Variants in MCCC1 observed in about 807,000 individuals in gnomAD.
MCCC1 encodes the protein methylcrotonoyl-CoA carboxylase subunit alpha, mitochondrial.
Under a neutral mutation model 83.8 loss-of-function variants are expected in MCCC1, and 64 were observed. The ratio of observed to expected loss-of-function variants is 0.76; its 90% CI spans 0.62 to 0.94. The LOEUF (loss-of-function observed/expected upper bound fraction) is 0.94. Among genes scored for constraint, MCCC1 ranks in the 40% least tolerant of loss-of-function variants. The pLI is 0.00. For missense variants in MCCC1, 807 were observed against 904.7 expected, an observed-to-expected ratio of 0.89 and a Z score of 1.39; for synonymous variants, 322 against 315.4, an observed-to-expected ratio of 1.02 and a Z score of -0.22.
chr3:183,022,618 A>C lies in MCCC1; in HGVS notation c.1732-64T>G, dbSNP rs1161062283. 14 of 1,351,976 alleles carry C rather than the reference A, an allele frequency of 1.0e-5. No homozygotes were observed. In the Admixed American group the frequency reaches 2.6e-4, roughly 25 times the overall value. 83.7% of individuals were successfully genotyped at this position (1,351,976 alleles called of 1,614,324 possible). ...ACAACACTACAGAATTAATAAGATC[A>C]GAATCAATTCTTCACTATTGGTAGT... On this transcript the variant is annotated intron_variant, in intron 15 of 18. Transcript: ENST00000265594.
At chr3:183,086,561 T>G (rs1717904352) in intron 4 of MCCC1, 132 bp downstream of exon 4, 2 of 811,224 alleles carry the variant, frequency 2.5e-6, no homozygotes, top group Non-Finnish European at 4.1e-6. Flanking sequence ...ATGCCTAGTT[T>G]ACAATGATAA....
rs1164253382 is a variant in MCCC1, at chr3:183,064,789, C to A, written c.761+6210G>T. On this transcript the variant is annotated intron_variant, in intron 7 of 18. Coordinates refer to ENST00000265594, the MANE Select transcript of MCCC1 (RefSeq NM_020166.5). This position sits in a 1 kb window ranked among gnomAD's most constrained non-coding sequence, Gnocchi z 4.5. Reference sequence around the variant, plus strand: ...AGGGGTGCAGCACCGGCAGGAGGCGCCTCAGAGCCATGGTGGGCAAAAGAT... The same window carrying A: ...AGGGGTGCAGCACCGGCAGGAGGCGACTCAGAGCCATGGTGGGCAAAAGAT... Among the ~76,000 whole-genome samples, 1 of 152,206 alleles carries A rather than the reference C, an allele frequency of 6.6e-6. No individual in the cohort carries two copies. Among genetic ancestry groups the A allele is most frequent in the African/African-American group, 2.4e-5 (1 of 41,456 alleles).
At chr3:183,033,701 C>A (rs771416578) in intron 14 of MCCC1, among the ~76,000 whole-genome samples, 2 of 150,864 alleles carry the variant, frequency 1.3e-5, no homozygotes, top group African/African-American at 4.9e-5. Flanking sequence ...GGGCATATTT[C>A]TAACATTCTG....
intron 9 of MCCC1, among the ~76,000 whole-genome samples, chr3:183,046,982 T>TTACAA (rs1714604373): frequency 6.6e-6 from 1 of 152,144 alleles, no homozygotes; most frequent in Non-Finnish European, 1.5e-5. Flanking sequence ...GGCGACCCAG[T>TTACAA]TACAGGAGGA....
At chr3:183,077,769 T>C (rs1717186347) in intron 4 of MCCC1, among the ~76,000 whole-genome samples, 3 of 152,208 alleles carry the variant, frequency 2.0e-5, no homozygotes, top group African/African-American at 7.2e-5. Context: ...ATATTGTAAG[T>C]TAATTTTTTT....
At chr3:183,023,295 G>A (rs78769361) in intron 15 of MCCC1, among the ~76,000 whole-genome samples, 3,305 of 152,108 alleles carry the variant, frequency 0.022, 122 homozygotes, top group African/African-American at 0.076. Flanking sequence ...AATATATTAC[G>A]TACACTAAGG....
chr3:183,102,470 TAAG>T (rs1365185031), upstream of MCCC1, among the ~76,000 whole-genome samples: 9 of 152,250 alleles, frequency 5.9e-5, no homozygotes, highest in Admixed American at 2.6e-4. Context: ...GATTCACTAT[TAAG>T]AAATCAATTA....
In MCCC1 at chr3:183,045,572, T is replaced by C. The variant is rs1473868790; in HGVS notation, c.956-32A>G. ...GGTAAAAAACAATGGTCATATTCAATAGTGTATAATCAGTAGCAAACCAAA... is the reference window on the plus strand; with the variant it reads ...GGTAAAAAACAATGGTCATATTCAACAGTGTATAATCAGTAGCAAACCAAA... On this transcript the variant is annotated intron_variant, in intron 9 of 18. Transcript: ENST00000265594. 1.9e-6 allele frequency: 3 copies of C among 1,611,390 alleles called. No homozygotes were observed. The African/African-American group carries it at 4.0e-5, about 21-fold the overall frequency.
intron 3 of MCCC1, among the ~76,000 whole-genome samples, chr3:183,089,417 C>T (rs752362978): frequency 1.3e-5 from 2 of 151,918 alleles, no homozygotes; most frequent in Admixed American, 6.6e-5. Context: ...AATCCCAGCG[C>T]TTTGGGACAA....
chr3:183,066,428 C>G (rs1178327395), intron 7 of MCCC1, among the ~76,000 whole-genome samples: 1 of 152,126 alleles, frequency 6.6e-6, no homozygotes, highest in Non-Finnish European at 1.5e-5. Context: ...CCTCAGCCTC[C>G]CAAGTAGCTG....
At chr3:183,025,231 T>C (rs73884000) in intron 15 of MCCC1, among the ~76,000 whole-genome samples, 5,344 of 152,284 alleles carry the variant, frequency 0.035, 260 homozygotes, top group African/African-American at 0.1. Context: ...GATGGATGGT[T>C]GTGATGGTTA....
At chr3:183,081,332 A>G (rs1717479985) in intron 4 of MCCC1, among the ~76,000 whole-genome samples, 1 of 152,238 alleles carries the variant, frequency 6.6e-6, no homozygotes, top group Non-Finnish European at 1.5e-5. Flanking sequence ...CGGTACTAAC[A>G]TGCCTTTATT....
chr3:183,104,916 C>G (rs1473486516), intron 1 of MCCC1, among the ~76,000 whole-genome samples: 1 of 152,222 alleles, frequency 6.6e-6, no homozygotes, highest in African/African-American at 2.4e-5. Flanking sequence ...AATCCACAAA[C>G]TCTTTGACCT....
intron 14 of MCCC1, among the ~76,000 whole-genome samples, chr3:183,030,368 T>A (rs1712953714): frequency 6.6e-6 from 1 of 152,240 alleles, no homozygotes; most frequent in African/African-American, 2.4e-5. Flanking sequence ...TGCCCCCAGC[T>A]TTCCCTGCAC....
At chr3:183,057,566 T>C (rs1715517570) in intron 7 of MCCC1, 144 bp from the exon 8 acceptor site, 1 of 741,524 alleles carries the variant, frequency 1.3e-6, no homozygotes, top group Non-Finnish European at 2.3e-6. Context: ...GACCTCAAAT[T>C]AGAGGTTATG....
intron 3 of MCCC1, chr3:183,091,017 A>G (rs938500777): frequency 4.4e-6 from 2 of 456,584 alleles, no homozygotes; most frequent in African/African-American, 4.0e-5. Flanking sequence ...TCTCTGTGAA[A>G]TCAAGATCAT....
chr3:183,092,234 G>T, intron 3 of MCCC1, 175 bp downstream of exon 3: 1 of 724,886 alleles, frequency 1.4e-6, no homozygotes, highest in Non-Finnish European at 2.3e-6. Context: ...ACACCGCTTA[G>T]TTCAACTGAT....
In MCCC1 at chr3:183,041,637, T is replaced by C. The variant is rs1431618412; in HGVS notation, c.1197A>G (p.Ala399=). 6.2e-7 allele frequency: 1 copy of C among 1,614,258 alleles called. No homozygotes were observed. Among genetic ancestry groups the C allele is most frequent in the Admixed American group, 1.7e-5 (1 of 60,036 alleles). ...GAGTAGAGAGGTGCACTAATGGGCC[T>C]GCCACAGGCATGAAGTTATTGCTAG... The part of the protein sequence containing the change: ...EDPSNNFMPV[A]GPLVHLSTPR... Residue 399 remains alanine (A), a synonymous_variant, in exon 11 of 19, where the codon GCA becomes GCG. Transcript: ENST00000265594.
At chr3:183,113,040 A>G (rs188047712) in intron 1 of MCCC1, among the ~76,000 whole-genome samples, 13 of 152,194 alleles carry the variant, frequency 8.5e-5, no homozygotes, top group Non-Finnish European at 1.5e-4. Context: ...CCTGACCAAG[A>G]TGGTGAAACT....
Sources: gnomAD v4.1 joint callset for allele counts (sites outside exome capture counted in the v4.1 genomes callset) on GRCh38, gnomAD v4.1.1 for gene constraint, Gnocchi (gnomAD v3.1) non-coding constraint, MANE v1.5 for transcripts, NCBI Gene and HGNC (gene_info 2026-07-23, HGNC 2026-07-21) for gene names.